METTL15: variants seen among roughly 807,000 people sequenced by gnomAD.
METTL15 encodes the protein methyltransferase 15, mitochondrial 12S rRNA N4-cytidine.
In METTL15, 34 loss-of-function variants were observed where a neutral mutation model predicts 38.3. That is an observed-to-expected ratio of 0.89 (90% CI 0.68 to 1.18). The LOEUF (loss-of-function observed/expected upper bound fraction) is 1.18, where lower values mean the gene tolerates loss of function less well. Among genes scored for constraint, METTL15 ranks in the 50% most tolerant of loss-of-function variants. The pLI, the probability that METTL15 is intolerant of heterozygous loss-of-function variation, is 0.00. For missense variants in METTL15, 438 were observed against 498.4 expected (o/e 0.88, Z 1.15); for synonymous variants, 162 against 170.9 (o/e 0.95, Z 0.41).
intron 3 of METTL15, among the ~76,000 whole-genome samples, chr11:28,155,296 A>C (rs1554986465): frequency 6.6e-6 from 1 of 152,156 alleles, no homozygotes. Context: ...TTAGGCATTG[A>C]AGAAAAAACA....
intron 6 of METTL15, among the ~76,000 whole-genome samples, chr11:28,318,473 C>A (rs546936157): frequency 2.0e-5 from 3 of 152,042 alleles, no homozygotes; most frequent in Non-Finnish European, 4.4e-5. Context: ...GCCGAAGGAA[C>A]GGTATGTGCA....
intron 6 of METTL15, among the ~76,000 whole-genome samples, chr11:28,519,990 C>T (rs1313187248): frequency 6.6e-6 from 1 of 152,150 alleles, no homozygotes; most frequent in Non-Finnish European, 1.5e-5. Context: ...CAGTTTTTAG[C>T]ATATCACTGG....
At chr11:28,462,434 C>A (rs1338440321) in intron 6 of METTL15, among the ~76,000 whole-genome samples, 1 of 150,510 alleles carries the variant, frequency 6.6e-6, no homozygotes, top group African/African-American at 2.5e-5. Flanking sequence ...AAGAAATAGG[C>A]CAACCACACA....
At chr11:28,246,986 A>G (rs1276688598) in intron 4 of METTL15, among the ~76,000 whole-genome samples, 1 of 152,138 alleles carries the variant, frequency 6.6e-6, no homozygotes, top group Admixed American at 6.6e-5. Flanking sequence ...TGCCTCTTTC[A>G]CTGTGTATTT....
chr11:28,338,522 ATCT>A (rs1398200375), intron 3 of METTL15, among the ~76,000 whole-genome samples: 2 of 152,024 alleles, frequency 1.3e-5, no homozygotes, highest in African/African-American at 2.4e-5. Context: ...TCACGGAATC[ATCT>A]TCTCTCTATT....
intron 4 of METTL15, among the ~76,000 whole-genome samples, chr11:28,278,947 C>G (rs1855945474): frequency 6.6e-6 from 1 of 152,140 alleles, no homozygotes; most frequent in Non-Finnish European, 1.5e-5. Flanking sequence ...ACACCTCAGC[C>G]TCTTGAGTAG....
At chr11:28,371,930 T>C (rs1850247246) in intron 5 of METTL15, among the ~76,000 whole-genome samples, 1 of 152,068 alleles carries the variant, frequency 6.6e-6, no homozygotes, top group South Asian at 2.1e-4. Flanking sequence ...TATGTTATTT[T>C]CATATAAGGA....
intron 6 of METTL15, among the ~76,000 whole-genome samples, chr11:28,479,840 C>T: frequency 6.6e-6 from 1 of 152,134 alleles, no homozygotes; most frequent in Non-Finnish European, 1.5e-5. Flanking sequence ...AAAGTATGTG[C>T]ACTACACAGA....
downstream of METTL15, among the ~76,000 whole-genome samples, chr11:28,336,237 C>T (rs181037079): frequency 3.9e-5 from 6 of 152,188 alleles, no homozygotes; most frequent in African/African-American, 7.2e-5. Context: ...GTGGAGTTTC[C>T]ATTTATAAGA....
chr11:28,423,963 C>T (rs1301014160), intron 5 of METTL15, among the ~76,000 whole-genome samples: 1 of 151,868 alleles, frequency 6.6e-6, no homozygotes, highest in Non-Finnish European at 1.5e-5. Flanking sequence ...TCCCATATAC[C>T]CCATAAACAT....
At chr11:28,359,253 A>G (rs947035264) in intron 4 of METTL15, among the ~76,000 whole-genome samples, 2 of 152,158 alleles carry the variant, frequency 1.3e-5, no homozygotes, top group African/African-American at 2.4e-5. Flanking sequence ...GTTGCTGCAA[A>G]TGGCATAATG....
intron 5 of METTL15, among the ~76,000 whole-genome samples, chr11:28,388,390 A>C (rs942674321): frequency 1.3e-5 from 2 of 152,288 alleles, no homozygotes; most frequent in East Asian, 3.9e-4. Flanking sequence ...ATCAACACAA[A>C]AAAATCAATT....
chr11:28,404,117 G>A (rs1039565723), intron 5 of METTL15, among the ~76,000 whole-genome samples: 2 of 151,930 alleles, frequency 1.3e-5, no homozygotes, highest in Non-Finnish European at 2.9e-5. Flanking sequence ...AAACCCATAA[G>A]CAATATTTTT....
intron 3 of METTL15, among the ~76,000 whole-genome samples, chr11:28,346,621 A>G (rs2133358117): frequency 6.6e-6 from 1 of 152,344 alleles, no homozygotes; most frequent in South Asian, 2.1e-4. Context: ...CATCAGAATC[A>G]CAAGAAAATT....
intron 6 of METTL15, among the ~76,000 whole-genome samples, chr11:28,431,790 T>A (rs57103487): frequency 0.34 from 23,955 of 70,710 alleles, 3,623 homozygotes; most frequent in East Asian, 0.37. Flanking sequence ...AAAATAAATT[T>A]AAAAAAAAAA....
At chr11:28,310,719 T>A (rs7119982) in intron 6 of METTL15, among the ~76,000 whole-genome samples, 151,648 of 152,220 alleles carry the variant, frequency 1, 75,545 homozygotes, top group Non-Finnish European at 1. Flanking sequence ...ATTTTCTGAT[T>A]TTATTCTACA....
Position 28,194,517 on chromosome 11 carries a change from G to A in METTL15, c.271-16545G>A, listed in dbSNP as rs769452585. On this transcript the variant is annotated intron_variant, in intron 3 of 6. Transcript: ENST00000407364. ...GTCTGGCTATTTACTTTCATTCTGC[G>A]GTTGAAACTATCAAGGTAACAGAAC... 4.2e-4 allele frequency among the ~76,000 whole-genome samples: 64 copies of A among 151,640 alleles called. 1 individual carries two copies. The highest frequency in any genetic ancestry group is 7.7e-4 in the Non-Finnish European group (52 of 67,952).
intron 4 of METTL15, among the ~76,000 whole-genome samples, chr11:28,227,027 T>C (rs1285608332): frequency 6.6e-6 from 1 of 151,950 alleles, no homozygotes; most frequent in Non-Finnish European, 1.5e-5. Flanking sequence ...AATAGGATAT[T>C]GTATTTTGCC....
chr11:28,355,746 T>C (rs950425794), intron 4 of METTL15, among the ~76,000 whole-genome samples: 2 of 152,084 alleles, frequency 1.3e-5, no homozygotes, highest in Non-Finnish European at 2.9e-5. Context: ...TGGATTTTGG[T>C]ATTTGCCAGG....
Sources: allele counts gnomAD v4.1 joint callset (sites outside exome capture counted in the v4.1 genomes callset), GRCh38; gene constraint gnomAD v4.1.1; transcripts MANE v1.5; gene names NCBI Gene and HGNC (gene_info 2026-07-23, HGNC 2026-07-21).